SPCS2: variants seen among roughly 807,000 people sequenced by gnomAD.
SPCS2 encodes the protein signal peptidase complex subunit 2.
SPCS2 carries 3 observed loss-of-function variants against 22.3 expected under a neutral mutation model. The observed-to-expected ratio is 0.13, with a 90% CI of 0.06 to 0.35. The LOEUF (loss-of-function observed/expected upper bound fraction) is 0.35, where lower values mean the gene tolerates loss of function less well. Among genes scored for constraint, SPCS2 ranks in the 10% least tolerant of loss-of-function variants. SPCS2 has a pLI of 1.00. For missense variants in SPCS2, 169 were observed against 280.9 expected, an observed-to-expected ratio of 0.60 and a Z score of 2.85; for synonymous variants, 67 against 97.2, an observed-to-expected ratio of 0.69 and a Z score of 1.83.
chr11:74,951,101 A>C (rs1460461489), intron 1 of SPCS2, among the ~76,000 whole-genome samples: 1 of 152,224 alleles, frequency 6.6e-6, no homozygotes, highest in African/African-American at 2.4e-5. Flanking sequence ...ATTATTATGG[A>C]ATAGTGTATA....
At chr11:74,976,799 T>C (rs932417451) in intron 4 of SPCS2, 58 bp from the exon 5 acceptor site, 41 of 1,605,830 alleles carry the variant, frequency 2.6e-5, no homozygotes, top group Non-Finnish European at 3.2e-5. Flanking sequence ...TGCCGTATTG[T>C]TACTGGTTGA....
chr11:74,969,509 A>C, intron 3 of SPCS2, 56 bp from the exon 4 acceptor site: 1 of 1,543,654 alleles, frequency 6.5e-7, no homozygotes, highest in South Asian at 1.2e-5. Context: ...GTTGCTTGTC[A>C]ATTTGTGTTA....
chr11:74,959,244 A>G (rs543879348), intron 1 of SPCS2, among the ~76,000 whole-genome samples: 42 of 152,328 alleles, frequency 2.8e-4, no homozygotes, highest in African/African-American at 8.9e-4. Context: ...TTATCAAGCC[A>G]GGGAACTTTA....
Position 74,965,901 on chromosome 11 carries a change from G to C in SPCS2, c.337G>C (p.Val113Leu), listed in dbSNP as rs377570707. 1 of 1,609,850 alleles carries C rather than the reference G, an allele frequency of 6.2e-7. No homozygotes were observed. Among genetic ancestry groups the C allele is most frequent in the Non-Finnish European group, 8.5e-7 (1 of 1,178,742 alleles). The change falls in exon 3 of 5, where the codon GTT becomes CTT. Residue 113 changes from valine (V) to leucine (L), a missense_variant. Around this residue, in one of 2 missense-constraint regions of SPCS2, gnomAD observed 118 missense variants for 243.1 expected, o/e 0.49. Coordinates refer to ENST00000263672, the MANE Select transcript of SPCS2 (RefSeq NM_014752.3). Reference sequence around the variant, plus strand: ...GCACCCCTTTCCAGAGTCCAAACCCGTTTTGGCTTTGTGTGTCATATCATA... The same window carrying C: ...GCACCCCTTTCCAGAGTCCAAACCCCTTTTGGCTTTGTGTGTCATATCATA... ...YMHPFPESKP[V>L]LALCVISYFV...
chr11:74,973,049 C>CTTT (rs1283342174), intron 4 of SPCS2, among the ~76,000 whole-genome samples: 1 of 152,088 alleles, frequency 6.6e-6, no homozygotes, highest in Non-Finnish European at 1.5e-5. Context: ...AGGGGAACAT[C>CTTT]CCTTCTCTTT....
At chr11:74,968,410 C>G (rs1948559771) in intron 3 of SPCS2, 1 of 152,144 alleles carries the variant, frequency 6.6e-6, no homozygotes, top group South Asian at 2.1e-4. Flanking sequence ...TAGCCTCTGC[C>G]TCCCAGGTTC....
chr11:74,966,677 A>G (rs780104921), intron 3 of SPCS2, among the ~76,000 whole-genome samples: 3 of 152,206 alleles, frequency 2.0e-5, no homozygotes, highest in Admixed American at 6.5e-5. Context: ...TTGAATATAA[A>G]GAACTTAATT....
chr11:74,959,859 C>G (rs1948501748), intron 1 of SPCS2, among the ~76,000 whole-genome samples: 1 of 152,212 alleles, frequency 6.6e-6, no homozygotes, highest in Non-Finnish European at 1.5e-5. Flanking sequence ...AATATCCTTC[C>G]TAAGCACTTA....
At chr11:74,964,805 A>G (rs1354821709) in intron 1 of SPCS2, among the ~76,000 whole-genome samples, 1 of 152,112 alleles carries the variant, frequency 6.6e-6, no homozygotes, top group African/African-American at 2.4e-5. Context: ...GTCTCTTTCA[A>G]CCTGATTTTT....
Position 74,965,912 on chromosome 11 carries a change from G to C in SPCS2, c.348G>C (p.Leu116Phe). The change falls in exon 3 of 5, where the codon TTG becomes TTC. Residue 116 changes from leucine (L) to phenylalanine (F), a missense_variant. Physicochemically the swap from Leu to Phe is conservative, Grantham distance 22. Coordinates refer to ENST00000263672, the MANE Select transcript of SPCS2 (RefSeq NM_014752.3). ...CAGAGTCCAAACCCGTTTTGGCTTT[G>C]TGTGTCATATCATATCCTTTATTTA... ...PFPESKPVLA[L>F]CVISYFVMMG... 1.9e-6 allele frequency: 3 copies of C among 1,609,734 alleles called. No individual in the cohort carries two copies. The highest frequency in any genetic ancestry group is 4.5e-5 in the East Asian group (2 of 44,748).
chr11:74,951,416 A>C (rs1291130430), intron 1 of SPCS2, among the ~76,000 whole-genome samples: 1 of 152,178 alleles, frequency 6.6e-6, no homozygotes, highest in African/African-American at 2.4e-5. Flanking sequence ...GGGGTAATTG[A>C]ATCTATTTAA....
At chr11:74,972,071 T>TC (rs1465162856) in intron 4 of SPCS2, among the ~76,000 whole-genome samples, 4 of 152,066 alleles carry the variant, frequency 2.6e-5, no homozygotes, top group African/African-American at 9.7e-5. Flanking sequence ...TCCTAGTTAT[T>TC]CTTTTTTTTT....
chr11:74,974,994 CT>C (rs1948607041), intron 4 of SPCS2, among the ~76,000 whole-genome samples: 1 of 152,108 alleles, frequency 6.6e-6, no homozygotes, highest in South Asian at 2.1e-4. Flanking sequence ...CAAAGTGATC[CT>C]TTTGAAACAT....
rs939605978 is a variant in SPCS2 at position 74,953,867 on chromosome 11, TA to T, written c.114+4471del. 1.3e-3 allele frequency among the ~76,000 whole-genome samples: 205 copies of T among 152,370 alleles called. 1 individual carries two copies. Among genetic ancestry groups the T allele is most frequent in the African/African-American group, 4.8e-3 (198 of 41,588 alleles). ...GGCTATTAAAGTTGATATGTGGTGT[TA>T]AACCATGCTTTCCAGAAGCTATTAT... is the stretch of plus-strand genomic sequence containing the variant. On this transcript the variant is annotated intron_variant, in intron 1 of 4. Transcript: ENST00000263672.
chr11:74,955,202 A>G (rs1030090946), intron 1 of SPCS2, among the ~76,000 whole-genome samples: 18 of 152,210 alleles, frequency 1.2e-4, no homozygotes, highest in African/African-American at 3.1e-4. Context: ...AGTTAACCAT[A>G]TGACCCAACA....
intron 4 of SPCS2, 132 bp from the exon 5 acceptor site, chr11:74,976,725 A>T: frequency 8.8e-7 from 1 of 1,136,296 alleles, no homozygotes; most frequent in Non-Finnish European, 1.2e-6. Flanking sequence ...TTTTGCTTTT[A>T]AAGGATGTGT....
At chr11:74,963,540 TTTTA>T (rs1948526300) in intron 1 of SPCS2, 1 of 415,792 alleles carries the variant, frequency 2.4e-6, no homozygotes, top group East Asian at 7.6e-5. Flanking sequence ...TTATTTTATT[TTTTA>T]TTGTTTGTTT....
In SPCS2 at chr11:74,977,863, A is replaced by C. The variant is rs920848403; in HGVS notation, c.*820A>C. ...GCCCCTGAGAACCTGTAGCTAAGGA[A>C]CTCTTAGCTTTCCAGTGATAATAAC... On this transcript the variant is annotated 3_prime_UTR_variant, in exon 5 of 5. Coordinates refer to ENST00000263672, the MANE Select transcript of SPCS2 (RefSeq NM_014752.3). 6.6e-6 allele frequency: 1 copy of C among 152,198 alleles called. No homozygotes were observed. The highest frequency in any genetic ancestry group is 1.5e-5 in the Non-Finnish European group (1 of 68,020). The allele number at this position is 152,198 out of a possible 1,614,324, so 9.4% of individuals were successfully genotyped here.
intron 1 of SPCS2, among the ~76,000 whole-genome samples, chr11:74,961,217 C>G (rs1948512535): frequency 6.6e-6 from 1 of 152,094 alleles, no homozygotes; most frequent in African/African-American, 2.4e-5. Flanking sequence ...GAAGTACTTG[C>G]TAGGTACCAG....
Sources: gnomAD v4.1 joint callset for allele counts (sites outside exome capture counted in the v4.1 genomes callset) on GRCh38, gnomAD v4.1.1 for gene constraint, gnomAD v4.1.1 regional missense constraint, MANE v1.5 for transcripts, NCBI Gene and HGNC (gene_info 2026-07-23, HGNC 2026-07-21) for gene names.